The following ASTN2 variants were observed in gnomAD, a reference collection of about 807,000 sequenced individuals.
The protein encoded by ASTN2 is astrotactin-2.
A neutral mutation model predicts 139.8 loss-of-function variants in ASTN2; 54 were observed. That is an observed-to-expected ratio of 0.39 (90% CI 0.31 to 0.48). The LOEUF (loss-of-function observed/expected upper bound fraction) is 0.48. ASTN2 is among the 20% of genes least tolerant of loss of function. The pLI is 0.95. For synonymous variants in ASTN2, 756 were observed against 719.5 expected (o/e 1.05, Z -0.81); for missense variants, 1,565 against 1,725.1 (o/e 0.91, Z 1.64).
chr9:117,317,307 C>T (rs1211256917), intron 1 of ASTN2, among the ~76,000 whole-genome samples: 3 of 152,152 alleles, frequency 2.0e-5, no homozygotes, highest in Non-Finnish European at 4.4e-5. Context: ...TTCTCATCAG[C>T]TCACCATAAG....
intron 16 of ASTN2, among the ~76,000 whole-genome samples, chr9:116,694,459 C>CCTTTT (rs1860732299): frequency 3.4e-5 from 3 of 88,038 alleles, no homozygotes; most frequent in Non-Finnish European, 6.0e-5. Flanking sequence ...TGTAATTTCT[C>CCTTTT]TTTTTTTTTT....
At chr9:117,365,316 A>T (rs1162245976) in intron 1 of ASTN2, among the ~76,000 whole-genome samples, 3 of 147,950 alleles carry the variant, frequency 2.0e-5, no homozygotes, top group Non-Finnish European at 3.0e-5. Flanking sequence ...AGAAAGAAAA[A>T]GAAAGAAAGA....
At chr9:116,656,682 CAAAAAAA>C (rs33989865) in intron 16 of ASTN2, among the ~76,000 whole-genome samples, 7 of 109,910 alleles carry the variant, frequency 6.4e-5, no homozygotes, top group Admixed American at 9.6e-5. Flanking sequence ...TTGTTGCCAC[CAAAAAAA>C]AAAAAAAAAA....
intron 10 of ASTN2, among the ~76,000 whole-genome samples, chr9:116,969,770 A>C (rs1487389880): frequency 7.9e-5 from 12 of 152,192 alleles, no homozygotes; most frequent in Non-Finnish European, 1.6e-4. Flanking sequence ...AACTTTAGTG[A>C]GCATTAGAAT....
chr9:116,955,873 C>T (rs949877175), intron 10 of ASTN2, among the ~76,000 whole-genome samples: 2 of 152,070 alleles, frequency 1.3e-5, no homozygotes, highest in Non-Finnish European at 2.9e-5. Context: ...AGAAATAAGC[C>T]ATCTCTGCAT....
intron 1 of ASTN2, among the ~76,000 whole-genome samples, chr9:117,352,786 A>G (rs967892215): frequency 3.3e-5 from 5 of 152,210 alleles, no homozygotes; most frequent in African/African-American, 1.2e-4. Flanking sequence ...AGATGAATGG[A>G]TAAATAAAAT....
chr9:117,181,182 T>C (rs972836746), intron 3 of ASTN2: 1 of 663,674 alleles, frequency 1.5e-6, no homozygotes, highest in East Asian at 2.5e-5. Context: ...AGGAACCCAG[T>C]TGGCTTAATT....
At chr9:116,519,348 A>G (rs1172055610) in intron 19 of ASTN2, among the ~76,000 whole-genome samples, 1 of 152,010 alleles carries the variant, frequency 6.6e-6, no homozygotes, top group Non-Finnish European at 1.5e-5. Flanking sequence ...ATCAACTCCA[A>G]AAAAAACCCT....
intron 16 of ASTN2, among the ~76,000 whole-genome samples, chr9:116,718,367 C>G (rs1300119255): frequency 6.6e-6 from 1 of 152,060 alleles, no homozygotes. Context: ...CTGTTAGAGC[C>G]CTGAGGCCAT....
chr9:117,178,389 G>A (rs1421450127), intron 3 of ASTN2, among the ~76,000 whole-genome samples: 1 of 152,144 alleles, frequency 6.6e-6, no homozygotes, highest in Non-Finnish European at 1.5e-5. Flanking sequence ...AAGTGAGTTG[G>A]TTTTTGTGAT....
chr9:117,040,017 G>A, intron 5 of ASTN2, 52 bp from the exon 6 acceptor site: 2 of 1,522,726 alleles, frequency 1.3e-6, no homozygotes, highest in Non-Finnish European at 1.8e-6. Context: ...GTGAGGAAAT[G>A]GGATTGGCAT....
intron 1 of ASTN2, among the ~76,000 whole-genome samples, chr9:117,323,356 T>TACCACCACC (rs58313578): frequency 0.59 from 88,527 of 151,206 alleles, 26,251 homozygotes; most frequent in South Asian, 0.74. Context: ...CCTCAAAGAC[T>TACCACCACC]ACCACCACCA....
intron 5 of ASTN2, among the ~76,000 whole-genome samples, chr9:117,082,350 T>C (rs188556755): frequency 2.6e-5 from 4 of 152,286 alleles, no homozygotes; most frequent in Admixed American, 1.3e-4. Flanking sequence ...CAGTCAGTCA[T>C]TGGGTTCCTC....
intron 22 of ASTN2, among the ~76,000 whole-genome samples, chr9:116,440,184 G>C (rs1847799258): frequency 6.6e-6 from 1 of 152,100 alleles, no homozygotes; most frequent in Non-Finnish European, 1.5e-5. Flanking sequence ...ATGGACTTTA[G>C]TCAAAATCAT....
chr9:116,900,054 A>C (rs1465243173), intron 10 of ASTN2, among the ~76,000 whole-genome samples: 1 of 152,134 alleles, frequency 6.6e-6, no homozygotes, highest in Non-Finnish European at 1.5e-5. Flanking sequence ...ATCTTTAAAA[A>C]ACCTTAGCCT....
At chr9:116,537,958 G>A (rs1304645317) in intron 19 of ASTN2, among the ~76,000 whole-genome samples, 1 of 152,152 alleles carries the variant, frequency 6.6e-6, no homozygotes, top group Non-Finnish European at 1.5e-5. Context: ...TACAGAGAAT[G>A]GGATGGAGGC....
intron 19 of ASTN2, among the ~76,000 whole-genome samples, chr9:116,517,478 C>T (rs1035852248): frequency 3.3e-5 from 5 of 152,194 alleles, no homozygotes; most frequent in Non-Finnish European, 7.3e-5. Flanking sequence ...TAAGGGAGCA[C>T]CCCATGGGAC....
chr9:116,728,485 G>C (rs910660752), intron 15 of ASTN2, among the ~76,000 whole-genome samples: 4 of 152,058 alleles, frequency 2.6e-5, no homozygotes, highest in African/African-American at 9.7e-5. Context: ...CCATCTGTTG[G>C]AGCTTAAAGT....
chr9:116,533,494 G>C (rs1305139264), intron 19 of ASTN2, among the ~76,000 whole-genome samples: 2 of 152,032 alleles, frequency 1.3e-5, no homozygotes, highest in Non-Finnish European at 2.9e-5. Flanking sequence ...ATTGGCTGTG[G>C]GTTTGTCATA....
Sources: allele counts gnomAD v4.1 joint callset (sites outside exome capture counted in the v4.1 genomes callset), GRCh38; gene constraint gnomAD v4.1.1; transcripts MANE v1.5; gene names NCBI Gene and HGNC (gene_info 2026-07-23, HGNC 2026-07-21).